The following SEC14L1 variants were observed in gnomAD, a reference collection of about 807,000 sequenced individuals.
SEC14L1 encodes SEC14 like lipid binding 1.
SEC14L1 carries 48 observed loss-of-function variants against 85.3 expected under a neutral mutation model. That is an observed-to-expected ratio of 0.56 (90% CI 0.45 to 0.72). The LOEUF is 0.72. SEC14L1 is among the 30% of genes least tolerant of loss of function. The pLI, the probability that SEC14L1 is intolerant of heterozygous loss-of-function variation, is 0.00. For synonymous variants in SEC14L1, 391 were observed against 355.5 expected (o/e 1.10, Z -1.12); for missense variants, 682 against 921.4 (o/e 0.74, Z 3.36).
At chr17:77,104,236 C>T (rs1355313962) in intron 3 of SEC14L1, among the ~76,000 whole-genome samples, 6 of 149,874 alleles carry the variant, frequency 4.0e-5, no homozygotes, top group African/African-American at 1.5e-4. Context: ...TCTCCTGCCT[C>T]AGTCAGCCTC....
At chr17:77,138,133 A>G (rs1323036702), upstream of SEC14L1, among the ~76,000 whole-genome samples, 2 of 151,382 alleles carry the variant, frequency 1.3e-5, no homozygotes, top group African/African-American at 2.4e-5. Flanking sequence ...AGATCAGATG[A>G]GCCTGTTTGT....
chr17:77,206,476 G>A lies in SEC14L1; in HGVS notation c.1341+76G>A, dbSNP rs1317978556. On this transcript the variant is annotated intron_variant, in intron 12 of 16. Coordinates refer to ENST00000436233, the MANE Select transcript of SEC14L1 (RefSeq NM_001143998.2). This position sits in a 1 kb window ranked among gnomAD's most constrained non-coding sequence, Gnocchi z 4.3. ...AACATGCATTCATATACACGTGTCTGTGACCTAAAGTCTTAACTTCTTAGG... is the reference window on the plus strand; with the variant it reads ...AACATGCATTCATATACACGTGTCTATGACCTAAAGTCTTAACTTCTTAGG... The A allele has an allele frequency of 1.7e-5, 25 of 1,463,478 alleles. No homozygotes were observed. Among genetic ancestry groups the A allele is most frequent in the Middle Eastern group, 2.1e-4 (1 of 4,800 alleles). The allele number at this position is 1,463,478 out of a possible 1,614,324, so 90.7% of individuals were successfully genotyped here.
chr17:77,174,554 G>C (rs1974663699), intron 3 of SEC14L1, among the ~76,000 whole-genome samples: 1 of 152,186 alleles, frequency 6.6e-6, no homozygotes, highest in African/African-American at 2.4e-5. Context: ...CCTGGTCACT[G>C]TGGTATTTGT....
At chr17:77,211,777 T>C in intron 14 of SEC14L1, 173 bp from the exon 15 acceptor site, 1 of 802,006 alleles carries the variant, frequency 1.2e-6, no homozygotes, top group Non-Finnish European at 2.0e-6. Flanking sequence ...ATCCAGCGGT[T>C]GAATGGATGG....
At chr17:77,192,663 C>CT (rs1377936355) in intron 5 of SEC14L1, among the ~76,000 whole-genome samples, 4,877 of 145,422 alleles carry the variant, frequency 0.034, 263 homozygotes, top group African/African-American at 0.11. Flanking sequence ...AACCCCCAGG[C>CT]TTTTTTTTTT....
intron 8 of SEC14L1, among the ~76,000 whole-genome samples, chr17:77,197,544 T>G (rs1209016081): frequency 6.6e-6 from 1 of 152,230 alleles, no homozygotes; most frequent in African/African-American, 2.4e-5. Flanking sequence ...ACTTTAATCT[T>G]TCTAATGAGT....
intron 3 of SEC14L1, among the ~76,000 whole-genome samples, chr17:77,107,163 G>T (rs1278372647): frequency 1.3e-5 from 2 of 152,136 alleles, no homozygotes; most frequent in African/African-American, 2.4e-5. Flanking sequence ...GGACCCACAG[G>T]GGAAAGAACA....
chr17:77,215,441 T>G lies in SEC14L1; in HGVS notation c.*1418T>G, dbSNP rs191743848. On this transcript the variant is annotated 3_prime_UTR_variant, in exon 17 of 17. Transcript: ENST00000436233. ...GCGTGGTAGGCATGGAGATCCTGGTTGTGCCGTCTCAGCTCCGCTCTGAAG... is the reference window on the plus strand; with the variant it reads ...GCGTGGTAGGCATGGAGATCCTGGTGGTGCCGTCTCAGCTCCGCTCTGAAG... 444 of 985,550 alleles carry G rather than the reference T, an allele frequency of 4.5e-4. No homozygotes were observed. The highest frequency in any genetic ancestry group is 5.2e-4 in the Middle Eastern group (1 of 1,914). 61.1% of individuals were successfully genotyped at this position (985,550 alleles called of 1,614,324 possible). A position where few individuals can be genotyped will look rare whatever the true frequency, so the allele number is the denominator to read the frequency against.
chr17:77,116,576 C>T (rs1038259921), intron 3 of SEC14L1, among the ~76,000 whole-genome samples: 1 of 152,102 alleles, frequency 6.6e-6, no homozygotes, highest in Non-Finnish European at 1.5e-5. Context: ...AGCCATGTGA[C>T]GGACCTGGTT....
intron 9 of SEC14L1, 129 bp downstream of exon 9, chr17:77,200,802 A>T (rs1976097579): frequency 1.2e-6 from 1 of 861,420 alleles, no homozygotes; most frequent in Non-Finnish European, 1.8e-6. Context: ...CACTCTGAGA[A>T]TTTGGCACCT....
intron 3 of SEC14L1, among the ~76,000 whole-genome samples, chr17:77,114,054 G>C (rs183133080): frequency 6.6e-6 from 1 of 152,136 alleles, no homozygotes; most frequent in Non-Finnish European, 1.5e-5. Context: ...TGCTAAATGC[G>C]GGTGCAAATA....
chr17:77,201,452 C>CTTT (rs540189374), intron 9 of SEC14L1, among the ~76,000 whole-genome samples: 1 of 138,424 alleles, frequency 7.2e-6, no homozygotes, highest in South Asian at 2.3e-4. Context: ...ACAAATGTGT[C>CTTT]TTTTTTTTTT....
Position 77,211,937 on chromosome 17 carries a change from G to T in SEC14L1, c.1612-13G>T. 1.2e-6 allele frequency: 2 copies of T among 1,612,380 alleles called. No homozygotes were observed. The highest frequency in any genetic ancestry group is 1.1e-5 in the South Asian group (1 of 91,058). On this transcript the variant is annotated splice_polypyrimidine_tract_variant and intron_variant, in intron 14 of 16. Transcript: ENST00000436233. ...TCGTGGATCGTGGCTGCCTAACGCT[G>T]CCTCTTTTTCAGATTCTCATTCAGA...
rs780185130 is a variant in SEC14L1 at position 77,213,759 on chromosome 17, C to T, written c.2043-159C>T. The stretch of plus-strand genomic sequence containing the variant: ...GTGCAGGCTGTGGGAAGCCGGTCCC[C>T]CTGGTGGGTTACTCATGTCCATCCC... On this transcript the variant is annotated intron_variant, in intron 16 of 16. Transcript: ENST00000436233. The surrounding 1 kb of genome is among the most constrained non-coding windows in gnomAD (Gnocchi z 7.1). The T allele has an allele frequency of 3.0e-6, 3 of 997,490 alleles. No individual in the cohort carries two copies. Among genetic ancestry groups the T allele is most frequent in the Admixed American group, 1.9e-5 (1 of 51,350 alleles). 61.8% of individuals were successfully genotyped at this position (997,490 alleles called of 1,614,324 possible). A position where few individuals can be genotyped will look rare whatever the true frequency, so the allele number is the denominator to read the frequency against.
chr17:77,201,555 A>T (rs1382636269), intron 9 of SEC14L1, among the ~76,000 whole-genome samples: 1 of 151,788 alleles, frequency 6.6e-6, no homozygotes, highest in Non-Finnish European at 1.5e-5. Flanking sequence ...GGTTCAAGCA[A>T]TTCTCCCGCC....
intron 3 of SEC14L1, among the ~76,000 whole-genome samples, chr17:77,100,450 T>C (rs1341760259): frequency 7.3e-6 from 1 of 136,974 alleles, no homozygotes; most frequent in Non-Finnish European, 1.6e-5. Context: ...TTTTTTTTTT[T>C]TTTTGAGACA....
intron 3 of SEC14L1, among the ~76,000 whole-genome samples, chr17:77,170,911 T>C (rs1267484147): frequency 6.6e-6 from 1 of 152,188 alleles, no homozygotes; most frequent in African/African-American, 2.4e-5. Flanking sequence ...TAATTTGTTT[T>C]AATAAGGTTT....
At chr17:77,151,370 G>A (rs1973547618) in intron 3 of SEC14L1, among the ~76,000 whole-genome samples, 1 of 152,150 alleles carries the variant, frequency 6.6e-6, no homozygotes, top group Non-Finnish European at 1.5e-5. Flanking sequence ...GACAATTAGA[G>A]TGAGCTTTCA....
chr17:77,131,972 T>G (rs1972625823), intron 3 of SEC14L1, among the ~76,000 whole-genome samples: 1 of 152,208 alleles, frequency 6.6e-6, no homozygotes. Context: ...CAGATCCAGC[T>G]TCTTGGCCCG....
Sources: allele counts gnomAD v4.1 joint callset (sites outside exome capture counted in the v4.1 genomes callset), GRCh38; gene constraint gnomAD v4.1.1; non-coding constraint Gnocchi (gnomAD v3.1); transcripts MANE v1.5; gene names NCBI Gene and HGNC (gene_info 2026-07-23, HGNC 2026-07-21).